Variants in PIGQ observed in about 807,000 individuals in gnomAD.
PIGQ encodes phosphatidylinositol N-acetylglucosaminyltransferase subunit Q.
PIGQ carries 54 observed loss-of-function variants against 60.3 expected under a neutral mutation model. The ratio of observed to expected loss-of-function variants is 0.90; its 90% CI spans 0.72 to 1.12. The LOEUF (loss-of-function observed/expected upper bound fraction) is 1.12. Ranked by LOEUF, PIGQ falls within the 50% of genes most tolerant of loss-of-function variation. The pLI is 0.00. For missense variants in PIGQ, 799 were observed against 793.5 expected, an observed-to-expected ratio of 1.01 and a Z score of -0.08; for synonymous variants, 416 against 363.7, an observed-to-expected ratio of 1.14 and a Z score of -1.64.
chr16:580,171 C>T lies in PIGQ; in HGVS notation c.1336-12C>T, dbSNP rs544325210. The T allele has an allele frequency of 6.2e-7, 1 of 1,606,026 alleles. No homozygotes were observed. The highest frequency in any genetic ancestry group is 8.5e-7 in the Non-Finnish European group (1 of 1,175,236). ...TCCTGCTGATGCCCGGTGTGCTGGCCCCTCCCTACAGCTGTTCATCGGGAC... is the reference window on the plus strand; with the variant it reads ...TCCTGCTGATGCCCGGTGTGCTGGCTCCTCCCTACAGCTGTTCATCGGGAC... On this transcript the variant is annotated splice_polypyrimidine_tract_variant and intron_variant, in intron 7 of 10. Coordinates refer to ENST00000321878, the MANE Select transcript of PIGQ (RefSeq NM_004204.5).
Position 576,176 on chromosome 16 carries a change from G to A in PIGQ, c.864G>A (p.Leu288=). ...TVASVLLDVA[L]GLMLLSWLHG... ...CCTCTGTGCTGCTGGACGTGGCCCT[G>A]GGCCTCATGCTGCTGTCCTGGCTCC... The change falls in exon 4 of 11, where the codon CTG becomes CTA. Residue 288 remains leucine, a synonymous_variant. Coordinates refer to ENST00000321878, the MANE Select transcript of PIGQ (RefSeq NM_004204.5). The A allele has an allele frequency of 1.9e-6, 3 of 1,549,698 alleles. No individual in the cohort carries two copies. The highest frequency in any genetic ancestry group is 2.6e-6 in the Non-Finnish European group (3 of 1,146,972).
intron 1 of PIGQ, among the ~76,000 whole-genome samples, chr16:572,249 G>A (rs2035642744): frequency 1.3e-5 from 2 of 152,184 alleles, no homozygotes; most frequent in Admixed American, 1.3e-4. Context: ...CGATGTCCTT[G>A]GTGCCTCACG....
intron 7 of PIGQ, chr16:579,831 G>T (rs1175607014): frequency 6.2e-6 from 1 of 162,394 alleles, no homozygotes; most frequent in East Asian, 1.7e-4. Flanking sequence ...CCCCGGGCCC[G>T]GAGACTAGAG....
In PIGQ at chr16:583,092, C is replaced by A; in HGVS notation, c.*57C>A. The A allele has an allele frequency of 6.2e-7, 1 of 1,613,074 alleles. No homozygotes were observed. The highest frequency in any genetic ancestry group is 8.5e-7 in the Non-Finnish European group (1 of 1,179,964). On this transcript the variant is annotated 3_prime_UTR_variant, in exon 11 of 11. Coordinates refer to ENST00000321878, the MANE Select transcript of PIGQ (RefSeq NM_004204.5). ...CGGCCACAGCCAGCCATCTGCTCTGCCAGGGTGGCACCAGCTCAGCTGGCG... is the reference window on the plus strand; with the variant it reads ...CGGCCACAGCCAGCCATCTGCTCTGACAGGGTGGCACCAGCTCAGCTGGCG...
At position 583,231 on chromosome 16, in the gene PIGQ, G is replaced by A; in HGVS notation, c.*196G>A. 1 of 1,612,940 alleles carries A rather than the reference G, an allele frequency of 6.2e-7. No individual in the cohort carries two copies. The highest frequency in any genetic ancestry group is 1.1e-5 in the South Asian group (1 of 91,084). ...GAGCAGATGTGGGGGTGGCCAGCCA[G>A]GCTGGCCGCACTCCATCACTGGCAC... is the stretch of plus-strand genomic sequence containing the variant. On this transcript the variant is annotated 3_prime_UTR_variant, in exon 11 of 11. Transcript: ENST00000321878.
intron 1 of PIGQ, among the ~76,000 whole-genome samples, chr16:573,680 A>G (rs939932954): frequency 6.6e-6 from 1 of 152,144 alleles, no homozygotes; most frequent in African/African-American, 2.4e-5. Flanking sequence ...ACACCTCTCT[A>G]ATCAGGTTTC....
intron 4 of PIGQ, chr16:576,563 C>T (rs1207285499): frequency 3.8e-6 from 2 of 528,002 alleles, no homozygotes; most frequent in Admixed American, 7.1e-5. Flanking sequence ...CCTTGTGGTC[C>T]CTGAGATCAG....
intron 2 of PIGQ, 86 bp from the exon 3 acceptor site, chr16:575,753 T>A: frequency 7.2e-7 from 1 of 1,391,498 alleles, no homozygotes; most frequent in South Asian, 1.3e-5. Context: ...GAGTGTGGCC[T>A]GGGTGTTTGT....
Position 581,215 on chromosome 16 carries a change from A to G in PIGQ, c.1531+243A>G, listed in dbSNP as rs1339785896. On this transcript the variant is annotated intron_variant, in intron 9 of 10. Transcript: ENST00000321878. ...GCCGCGCAGGTTCAGAACCCTGGAGACCTGAGGCCACAGGCCTTTGTTCTT... is the reference window on the plus strand; with the variant it reads ...GCCGCGCAGGTTCAGAACCCTGGAGGCCTGAGGCCACAGGCCTTTGTTCTT... 7 of 1,425,206 alleles carry G rather than the reference A, an allele frequency of 4.9e-6. No individual in the cohort carries two copies. In the Admixed American group the frequency reaches 1.3e-4, roughly 27 times the overall value. 88.3% of individuals were successfully genotyped at this position (1,425,206 alleles called of 1,614,324 possible).
At position 583,744 on chromosome 16, in the gene PIGQ, C is replaced by T; in HGVS notation, c.*709C>T. 1 of 1,292,836 alleles carries T rather than the reference C, an allele frequency of 7.7e-7. No individual in the cohort carries two copies. The highest frequency in any genetic ancestry group is 1.2e-5 in the South Asian group (1 of 83,630). The allele number at this position is 1,292,836 out of a possible 1,614,324, so 80.1% of individuals were successfully genotyped here. On this transcript the variant is annotated 3_prime_UTR_variant, in exon 11 of 11. Coordinates refer to ENST00000321878, the MANE Select transcript of PIGQ (RefSeq NM_004204.5). ...AGCCGTACCTATTCGTCCACGGTGC[C>T]CCGTAGCAGCAGGTCCTGCGGCCAA...
chr16:572,812 A>G (rs556542587), intron 1 of PIGQ, among the ~76,000 whole-genome samples: 67 of 152,140 alleles, frequency 4.4e-4, no homozygotes, highest in African/African-American at 1.2e-3. Context: ...TGCGACCTCC[A>G]GGCGTCCCGC....
At chr16:571,571 C>CATGT (rs1555451367) in intron 1 of PIGQ, among the ~76,000 whole-genome samples, 1 of 87,298 alleles carries the variant, frequency 1.1e-5, no homozygotes, top group African/African-American at 5.4e-5. Context: ...GCCTGGTGCC[C>CATGT]GTGTGTGTGT....
At chr16:578,532 A>G (rs1172435696) in intron 5 of PIGQ, 27 bp downstream of exon 5, 2 of 1,604,158 alleles carry the variant, frequency 1.2e-6, no homozygotes, top group Non-Finnish European at 1.7e-6. Flanking sequence ...CGGGGGCCCC[A>G]GGGACCCCAG....
intron 7 of PIGQ, 191 bp from the exon 8 acceptor site, chr16:579,992 G>A (rs2035786755): frequency 2.1e-6 from 1 of 476,956 alleles, no homozygotes; most frequent in Non-Finnish European, 3.7e-6. Context: ...CTCCCTGCGA[G>A]TCCCCTAGTC....
Position 574,191 on chromosome 16 carries a change from C to T in PIGQ, c.117C>T (p.Pro39=), listed in dbSNP as rs763255191. The change falls in exon 2 of 11, where the codon CCC becomes CCT. Residue 39 remains proline (P), a synonymous_variant. Coordinates refer to ENST00000321878, the MANE Select transcript of PIGQ (RefSeq NM_004204.5). ...SAVVLAVLHF[P]FIPIQVKQLL... Reference sequence around the variant, plus strand: ...TGGTCCTGGCGGTCCTGCACTTTCCCTTCATCCCCATCCAGGTCAAGCAGC... The same window carrying T: ...TGGTCCTGGCGGTCCTGCACTTTCCTTTCATCCCCATCCAGGTCAAGCAGC... 8.7e-6 allele frequency: 14 copies of T among 1,612,570 alleles called. 1 individual carries two copies. The South Asian group carries it at 1.4e-4, about 16-fold the overall frequency.
In PIGQ at chr16:574,341, C is replaced by T; in HGVS notation, c.267C>T (p.Pro89=). 1 of 1,609,128 alleles carries T rather than the reference C, an allele frequency of 6.2e-7. No homozygotes were observed. The highest frequency in any genetic ancestry group is 8.5e-7 in the Non-Finnish European group (1 of 1,179,446). Residue 89 remains proline, a synonymous_variant, in exon 2 of 11, where the codon CCC becomes CCT. Transcript: ENST00000321878. ...RFLESLGAVF[P]HEPWLRLCRE... is the part of the protein sequence containing the mutation. ...TGGAGAGCCTGGGTGCTGTCTTCCC[C>T]CATGAGCCCTGGCTGCGGCTGTGCC...
intron 1 of PIGQ, among the ~76,000 whole-genome samples, chr16:573,747 G>A (rs891820525): frequency 2.0e-5 from 3 of 152,176 alleles, no homozygotes; most frequent in Admixed American, 6.5e-5. Context: ...AGGTGGTGCC[G>A]AGGAGGCCGT....
chr16:582,997 A>C lies in PIGQ; in HGVS notation c.1708A>C (p.Ile570Leu). The C allele has an allele frequency of 6.2e-7, 1 of 1,613,094 alleles. No homozygotes were observed. Among genetic ancestry groups the C allele is most frequent in the Non-Finnish European group, 8.5e-7 (1 of 1,179,974 alleles). ...LCRKLFLGEL[I>L]YPWRQRGDKQ... ...CCGCAAGCTGTTCCTTGGGGAGCTC[A>C]TCTACCCCTGGAGGCAGAGAGGGGA... The change falls in exon 11 of 11, where the codon ATC (isoleucine) becomes CTC (leucine). Residue 570 changes from isoleucine to leucine, a missense_variant. Transcript: ENST00000321878.
At position 583,867 on chromosome 16, in the gene PIGQ, C is replaced by T; in HGVS notation, c.*832C>T. On this transcript the variant is annotated 3_prime_UTR_variant, in exon 11 of 11. Coordinates refer to ENST00000321878, the MANE Select transcript of PIGQ (RefSeq NM_004204.5). ...GAGTGTGAGTGGCCTGGGGAGGGGGCCGTGGCACTGAGGCCGAAAGTGCCT... is the reference window on the plus strand; with the variant it reads ...GAGTGTGAGTGGCCTGGGGAGGGGGTCGTGGCACTGAGGCCGAAAGTGCCT... 1 of 598,800 alleles carries T rather than the reference C, an allele frequency of 1.7e-6. No homozygotes were observed. Among genetic ancestry groups the T allele is most frequent in the Non-Finnish European group, 3.0e-6 (1 of 331,554 alleles). The allele number at this position is 598,800 out of a possible 1,614,324, so 37.1% of individuals were successfully genotyped here. A position where few individuals can be genotyped will look rare whatever the true frequency, so the allele number is the denominator to read the frequency against.
Sources: gnomAD v4.1 joint callset for allele counts (sites outside exome capture counted in the v4.1 genomes callset) on GRCh38, gnomAD v4.1.1 for gene constraint, MANE v1.5 for transcripts, NCBI Gene and HGNC (gene_info 2026-07-23, HGNC 2026-07-21) for gene names.